The following CLVS1 variants were observed in gnomAD, a reference collection of about 807,000 sequenced individuals.
CLVS1 encodes the protein clavesin 1.
CLVS1 carries 10 observed loss-of-function variants against 33.1 expected under a neutral mutation model. That is an observed-to-expected ratio of 0.30 (90% CI 0.19 to 0.51). The LOEUF is 0.51. Among genes scored for constraint, CLVS1 ranks in the 20% least tolerant of loss-of-function variants. CLVS1 has a pLI of 0.97. For synonymous variants in CLVS1, 163 were observed against 166.1 expected (o/e 0.98, Z 0.14); for missense variants, 343 against 433.4 (o/e 0.79, Z 1.85).
intron 2 of CLVS1, among the ~76,000 whole-genome samples, chr8:61,271,976 G>A (rs1169327902): frequency 3.3e-5 from 5 of 151,728 alleles, no homozygotes; most frequent in Non-Finnish European, 7.4e-5. Flanking sequence ...TTTAATTGGA[G>A]CATTTAGTCC....
At chr8:61,188,054 T>C (rs1807379677) in intron 2 of CLVS1, among the ~76,000 whole-genome samples, 1 of 152,090 alleles carries the variant, frequency 6.6e-6, no homozygotes, top group South Asian at 2.1e-4. Context: ...ACTTTTGTTT[T>C]GATGGCTTTA....
intron 1 of CLVS1, among the ~76,000 whole-genome samples, chr8:61,120,101 T>G (rs532954238): frequency 3.4e-5 from 5 of 148,654 alleles, no homozygotes; most frequent in South Asian, 2.2e-4. Flanking sequence ...TAAACTTCCC[T>G]TCTCGCTTCA....
chr8:61,373,932 C>T (rs6471947), intron 2 of CLVS1, among the ~76,000 whole-genome samples: 95,081 of 152,010 alleles, frequency 0.63, 31,961 homozygotes, highest in Non-Finnish European at 0.75. Flanking sequence ...GTGTGTCTTT[C>T]ACCCTTGTTC....
intron 3 of CLVS1, among the ~76,000 whole-genome samples, chr8:61,442,368 C>T (rs1459385893): frequency 6.6e-6 from 1 of 152,138 alleles, no homozygotes; most frequent in Non-Finnish European, 1.5e-5. Context: ...GAGTTGTTTC[C>T]ACTTTTTATT....
intron 3 of CLVS1, among the ~76,000 whole-genome samples, chr8:61,399,331 GTCT>G (rs1446108395): frequency 2.0e-5 from 3 of 152,018 alleles, no homozygotes; most frequent in Non-Finnish European, 4.4e-5. Context: ...CCACATGTAT[GTCT>G]TCTTTTGAGA....
At chr8:61,015,787 G>A in the CLVS1 span, among the ~76,000 whole-genome samples, 1 of 152,286 alleles carries the variant, frequency 6.6e-6, no homozygotes, top group Admixed American at 6.5e-5. Context: ...GCCAACCAAA[G>A]GAGAGCTTAT....
chr8:61,401,068 T>C (rs999772393), intron 3 of CLVS1, among the ~76,000 whole-genome samples: 3 of 152,046 alleles, frequency 2.0e-5, no homozygotes, highest in Admixed American at 6.6e-5. Context: ...ATTTTATTTT[T>C]GGATTCTTCA....
At chr8:61,386,587 G>A (rs1283786112) in intron 3 of CLVS1, among the ~76,000 whole-genome samples, 4 of 152,326 alleles carry the variant, frequency 2.6e-5, no homozygotes, top group Non-Finnish European at 5.9e-5. Context: ...CCTCTCTGAT[G>A]TGGGAATTTC....
the CLVS1 span, among the ~76,000 whole-genome samples, chr8:61,001,874 G>A: frequency 6.6e-6 from 1 of 152,190 alleles, no homozygotes; most frequent in East Asian, 1.9e-4. Flanking sequence ...TTCAAGATTT[G>A]TCTCAGAAGC....
the CLVS1 span, among the ~76,000 whole-genome samples, chr8:61,001,435 T>C: frequency 6.6e-6 from 1 of 152,252 alleles, no homozygotes; most frequent in Non-Finnish European, 1.5e-5. Flanking sequence ...ACAGCACATC[T>C]CAATGTGGAG....
chr8:61,478,766 T>C (rs1818062581), intron 5 of CLVS1, among the ~76,000 whole-genome samples: 1 of 152,238 alleles, frequency 6.6e-6, no homozygotes, highest in South Asian at 2.1e-4. Flanking sequence ...CTTGACTCTT[T>C]ATCCAATTTG....
intron 2 of CLVS1, among the ~76,000 whole-genome samples, chr8:61,341,475 T>C (rs1303072243): frequency 6.6e-6 from 1 of 152,218 alleles, no homozygotes; most frequent in Non-Finnish European, 1.5e-5. Context: ...TCCCAAATCA[T>C]AGGCACAGCT....
the CLVS1 span, among the ~76,000 whole-genome samples, chr8:61,039,267 T>G: frequency 1.3e-5 from 2 of 152,112 alleles, no homozygotes; most frequent in Non-Finnish European, 2.9e-5. Context: ...TCTTCTAATC[T>G]ATAATATTCT....
At chr8:60,972,530 G>A in the CLVS1 span, among the ~76,000 whole-genome samples, 1 of 152,240 alleles carries the variant, frequency 6.6e-6, no homozygotes, top group South Asian at 2.1e-4. Flanking sequence ...CCATTATTCT[G>A]GAGGTCGCGA....
At chr8:61,260,238 G>A (rs1809171976) in intron 2 of CLVS1, among the ~76,000 whole-genome samples, 2 of 152,088 alleles carry the variant, frequency 1.3e-5, no homozygotes, top group Admixed American at 6.5e-5. Flanking sequence ...TTTAAACAGG[G>A]ATATTAATGG....
intron 2 of CLVS1, among the ~76,000 whole-genome samples, chr8:61,344,530 A>C (rs1409090073): frequency 6.6e-6 from 1 of 152,192 alleles, no homozygotes; most frequent in Non-Finnish European, 1.5e-5. Context: ...GAATGGAGTA[A>C]TCTGGTTCTA....
intron 3 of CLVS1, among the ~76,000 whole-genome samples, chr8:61,385,365 G>T (rs1814040522): frequency 6.6e-6 from 1 of 152,172 alleles, no homozygotes; most frequent in African/African-American, 2.4e-5. Flanking sequence ...CAGAAATAGA[G>T]ACTATTACAA....
chr8:61,359,265 A>G (rs1812872204), intron 2 of CLVS1, among the ~76,000 whole-genome samples: 1 of 152,244 alleles, frequency 6.6e-6, no homozygotes, highest in Non-Finnish European at 1.5e-5. Flanking sequence ...TTAAGTTGGT[A>G]TCTGCTAAAG....
At chr8:61,059,191 T>C (rs781395195) in intron 1 of CLVS1, among the ~76,000 whole-genome samples, 11 of 152,060 alleles carry the variant, frequency 7.2e-5, no homozygotes, top group Non-Finnish European at 7.4e-5. Context: ...AGTTCCTCCA[T>C]ACCTTAGCCA....
Sources: gnomAD v4.1 joint callset for allele counts (sites outside exome capture counted in the v4.1 genomes callset) on GRCh38, gnomAD v4.1.1 for gene constraint, MANE v1.5 for transcripts, NCBI Gene and HGNC (gene_info 2026-07-23, HGNC 2026-07-21) for gene names.